Variants in PLCH2 observed in about 807,000 individuals in gnomAD.
PLCH2 encodes the protein phospholipase C eta 2.
In PLCH2, 98 loss-of-function variants were observed where a neutral mutation model predicts 134.7. The ratio of observed to expected loss-of-function variants is 0.73; its 90% CI spans 0.62 to 0.86. The LOEUF (loss-of-function observed/expected upper bound fraction) is 0.86. PLCH2 is among the 40% of genes least tolerant of loss of function. The pLI, the probability that PLCH2 is intolerant of heterozygous loss-of-function variation, is 0.00. For missense variants in PLCH2, 1,994 were observed against 1,986.6 expected, an observed-to-expected ratio of 1.00 and a Z score of -0.07; for synonymous variants, 974 against 827.5, an observed-to-expected ratio of 1.18 and a Z score of -3.04.
chr1:2,436,171 T>A, intron 2 of PLCH2, among the ~76,000 whole-genome samples: 1 of 122,380 alleles, frequency 8.2e-6, no homozygotes, highest in Non-Finnish European at 1.7e-5. Context: ...CCTCCCTTCC[T>A]CCCTGCTCCC....
Position 2,487,658 on chromosome 1 carries a change from C to T in PLCH2, c.1175C>T (p.Ser392Phe). 3 of 1,613,452 alleles carry T rather than the reference C, an allele frequency of 1.9e-6. No individual in the cohort carries two copies. Among genetic ancestry groups the T allele is most frequent in the Non-Finnish European group, 2.5e-6 (3 of 1,179,776 alleles). ...GTGCACCATGGCTACACTCTGACTT[C>T]CAAGATCCTCTTCAAAGACGTCATT... is the stretch of plus-strand genomic sequence containing the variant. ...PIVHHGYTLT[S>F]KILFKDVIET... Residue 392 changes from serine (S) to phenylalanine (F), a missense_variant, in exon 8 of 22, where the codon TCC (serine) becomes TTC (phenylalanine). Physicochemically the swap from Ser to Phe is radical, Grantham distance 155 (BLOSUM62 -2). Coordinates refer to ENST00000378486, the MANE Select transcript of PLCH2 (RefSeq NM_014638.4).
At chr1:2,473,991 G>T (rs1243996306), upstream of PLCH2, among the ~76,000 whole-genome samples, 1 of 152,230 alleles carries the variant, frequency 6.6e-6, no homozygotes, top group African/African-American at 2.4e-5. Context: ...CATGGCTGAG[G>T]GCTGGGCCCC....
rs548100450 is a variant in PLCH2, at chr1:2,487,620, C to T, written c.1137C>T (p.Asp379=). 71 of 1,613,116 alleles carry T rather than the reference C, an allele frequency of 4.4e-5. No individual in the cohort carries two copies. In the East Asian group the frequency reaches 1.0e-3, roughly 23 times the overall value. ...CAGTGGACTGCTGGGATGGGCCCGA[C>T]GGGGAGCCCATTGTGCACCATGGCT... ...CVEVDCWDGP[D]GEPIVHHGYT... Residue 379 remains aspartate (D), a synonymous_variant, in exon 8 of 22, where the codon GAC becomes GAT. Coordinates refer to ENST00000378486, the MANE Select transcript of PLCH2 (RefSeq NM_014638.4).
intron 13 of PLCH2, 114 bp from the exon 14 acceptor site, chr1:2,496,492 CG>C: frequency 2.1e-5 from 18 of 839,796 alleles, no homozygotes; most frequent in Non-Finnish European, 3.5e-5. Context: ...TCTGATGGTT[CG>C]GGGCCTGCTG....
intron 5 of PLCH2, among the ~76,000 whole-genome samples, chr1:2,485,535 T>A (rs1642240171): frequency 6.6e-6 from 1 of 151,516 alleles, no homozygotes; most frequent in Non-Finnish European, 1.5e-5. Context: ...CTTAGGGACC[T>A]CCACTCTACT....
chr1:2,481,604 C>A (rs1472842827), intron 4 of PLCH2, among the ~76,000 whole-genome samples: 1 of 152,256 alleles, frequency 6.6e-6, no homozygotes, highest in African/African-American at 2.4e-5. Context: ...CCTGAAGGTC[C>A]AACCAGACCT....
intron 2 of PLCH2, among the ~76,000 whole-genome samples, chr1:2,431,278 G>A (rs1393670694): frequency 6.6e-6 from 1 of 152,042 alleles, no homozygotes; most frequent in Admixed American, 6.5e-5. Flanking sequence ...GCGTGTGTCT[G>A]CCTGCACTCG....
chr1:2,498,811 G>T lies in PLCH2; in HGVS notation c.2417G>T (p.Arg806Leu). 6.2e-7 allele frequency: 1 copy of T among 1,610,136 alleles called. No homozygotes were observed. Among genetic ancestry groups the T allele is most frequent in the Non-Finnish European group, 8.5e-7 (1 of 1,178,038 alleles). ...LPVDCSREQT[R>L]VVDDNGFNPT... ...GTGGACTGCAGCAGGGAGCAGACCC[G>T]CGTGGTGGACGACAACGGTGAGGCT... The change falls in exon 18 of 22, where the codon CGC (arginine) becomes CTC (leucine). Residue 806 changes from arginine (R) to leucine (L), a missense_variant. By Grantham distance (102) the Arg-to-Leu change is moderately radical. Around this residue, in one of 2 missense-constraint regions of PLCH2, gnomAD observed 1,094 missense variants for 1,234.3 expected, o/e 0.89. Coordinates refer to ENST00000378486, the MANE Select transcript of PLCH2 (RefSeq NM_014638.4). This position sits in a 1 kb window ranked among gnomAD's most constrained non-coding sequence, Gnocchi z 5.4.
intron 2 of PLCH2, among the ~76,000 whole-genome samples, chr1:2,434,334 C>T (rs992426749): frequency 2.0e-5 from 3 of 152,228 alleles, no homozygotes; most frequent in Non-Finnish European, 4.4e-5. Flanking sequence ...CGTTTACAAC[C>T]TGGGAAGGTG....
At chr1:2,437,643 C>T (rs1245875465) in intron 2 of PLCH2, among the ~76,000 whole-genome samples, 1 of 152,212 alleles carries the variant, frequency 6.6e-6, no homozygotes, top group Non-Finnish European at 1.5e-5. Context: ...AGCCAGATCG[C>T]CTGCTCCCTG....
chr1:2,480,070 C>G lies in PLCH2; in HGVS notation c.515+93C>G, dbSNP rs1348346820. Reference sequence around the variant, plus strand: ...GGCCTGTCCTTTGCCGGGTCACACACTGGGGAAGTGGCCGGTAGGCTGGGG... The same window carrying G: ...GGCCTGTCCTTTGCCGGGTCACACAGTGGGGAAGTGGCCGGTAGGCTGGGG... On this transcript the variant is annotated intron_variant, in intron 3 of 21. Coordinates refer to ENST00000378486, the MANE Select transcript of PLCH2 (RefSeq NM_014638.4). 12 of 1,579,894 alleles carry G rather than the reference C, an allele frequency of 7.6e-6. No homozygotes were observed. In the Admixed American group the frequency reaches 2.0e-4, roughly 27 times the overall value.
rs1641777317 is a variant in PLCH2, at chr1:2,478,631, G to A, written c.271+9G>A. ...GAACGAGAAGGCCAAGAGTGAGTGG[G>A]AGCCCTGGGGTGGGGACAAATCAGA... is the stretch of plus-strand genomic sequence containing the variant. On this transcript the variant is annotated intron_variant, in intron 2 of 21. Transcript: ENST00000378486. The A allele has an allele frequency of 5.0e-6, 8 of 1,602,878 alleles. No individual in the cohort carries two copies. Among genetic ancestry groups the A allele is most frequent in the Non-Finnish European group, 6.8e-6 (8 of 1,175,342 alleles).
At position 2,444,439 on chromosome 1, in the gene PLCH2, C is replaced by G. The variant is rs1335386355; in HGVS notation, c.115+13810C>G. ...GGGAGCCGGCCTCTCCCCACACTAG[C>G]AGGTGGGGTGCAGCGGGCACTGCCC... is the stretch of plus-strand genomic sequence containing the variant. On this transcript the variant is annotated intron_variant, in intron 2 of 3. Coordinates refer to the PLCH2 transcript ENST00000609981. The surrounding 1 kb of genome is among the most constrained non-coding windows in gnomAD (Gnocchi z 4.6). Among the ~76,000 whole-genome samples, 1 of 152,186 alleles carries G rather than the reference C, an allele frequency of 6.6e-6. No homozygotes were observed. The highest frequency in any genetic ancestry group is 1.5e-5 in the Non-Finnish European group (1 of 68,018).
At chr1:2,473,355 C>A (rs776357807), upstream of PLCH2, among the ~76,000 whole-genome samples, 1 of 152,196 alleles carries the variant, frequency 6.6e-6, no homozygotes, top group African/African-American at 2.4e-5. Context: ...CAGGGGATCA[C>A]GGGCGCATTC....
chr1:2,496,172 G>A (rs1642871827), intron 13 of PLCH2, among the ~76,000 whole-genome samples: 1 of 152,072 alleles, frequency 6.6e-6, no homozygotes, highest in Non-Finnish European at 1.5e-5. Context: ...CGTCCCACGT[G>A]CCAGCCGGGC....
At position 2,504,578 on chromosome 1, in the gene PLCH2, C is replaced by T. The variant is rs369977548; in HGVS notation, c.3616C>T (p.Leu1206Phe). Residue 1206 changes from leucine (L) to phenylalanine (F), a missense_variant, in exon 22 of 22, where the codon CTT becomes TTT. Leu to Phe is a conservative substitution (Grantham distance 22). This residue lies in a region of PLCH2 where 900 missense variants were observed against 752.3 expected (regional missense o/e 1.20). Coordinates refer to ENST00000378486, the MANE Select transcript of PLCH2 (RefSeq NM_014638.4). Reference sequence around the variant, plus strand: ...GACCAAGAGCAAATCCAACCCCAACCTTCGGGCTACAGGCCAGCGGCCTCC... The same window carrying T: ...GACCAAGAGCAAATCCAACCCCAACTTTCGGGCTACAGGCCAGCGGCCTCC... ...PVTKSKSNPNLRATGQRPPIP... is the reference protein window; with the variant it reads ...PVTKSKSNPNFRATGQRPPIP... 8.1e-6 allele frequency: 13 copies of T among 1,612,774 alleles called. No homozygotes were observed. Among genetic ancestry groups the T allele is most frequent in the Non-Finnish European group, 1.1e-5 (13 of 1,179,800 alleles).
chr1:2,475,488 G>T (rs1641565217), upstream of PLCH2, among the ~76,000 whole-genome samples: 1 of 152,258 alleles, frequency 6.6e-6, no homozygotes, highest in African/African-American at 2.4e-5. Context: ...GGGGATGGGA[G>T]AGCCTGTGCT....
intron 1 of PLCH2, among the ~76,000 whole-genome samples, chr1:2,477,739 T>C (rs1214363213): frequency 6.6e-6 from 1 of 151,920 alleles, no homozygotes; most frequent in Non-Finnish European, 1.5e-5. Context: ...GGAGGGGTTG[T>C]GAAGCTCGGA....
chr1:2,451,050 G>A (rs1260519435), intron 2 of PLCH2, among the ~76,000 whole-genome samples: 1 of 152,006 alleles, frequency 6.6e-6, no homozygotes, highest in Non-Finnish European at 1.5e-5. Context: ...CCTGCCATAG[G>A]GGCTGTGGCT....
Sources: gnomAD v4.1 joint callset for allele counts (sites outside exome capture counted in the v4.1 genomes callset) on GRCh38, gnomAD v4.1.1 for gene constraint, gnomAD v4.1.1 regional missense constraint, Gnocchi (gnomAD v3.1) non-coding constraint, MANE v1.5 for transcripts, NCBI Gene and HGNC (gene_info 2026-07-23, HGNC 2026-07-21) for gene names.